PPIP5K2: variants seen among roughly 807,000 people sequenced by gnomAD.
PPIP5K2 encodes the protein inositol hexakisphosphate and diphosphoinositol-pentakisphosphate kinase 2.
A neutral mutation model predicts 154.6 loss-of-function variants in PPIP5K2; 105 were observed. That is an observed-to-expected ratio of 0.68 (90% CI 0.58 to 0.80). PPIP5K2 has a LOEUF of 0.80. PPIP5K2 is among the 30% of genes least tolerant of loss of function. The pLI is 0.00. For synonymous variants in PPIP5K2, 480 were observed against 490.3 expected, an observed-to-expected ratio of 0.98 and a Z score of 0.28; for missense variants, 992 against 1,504.6, an observed-to-expected ratio of 0.66 and a Z score of 5.64.
intron 5 of PPIP5K2, among the ~76,000 whole-genome samples, chr5:103,141,318 C>T (rs1006005307): frequency 2.6e-5 from 4 of 151,848 alleles, no homozygotes; most frequent in Non-Finnish European, 5.9e-5. Flanking sequence ...CTGGTGGGTT[C>T]GTGGTCTCGC....
intron 24 of PPIP5K2, 55 bp from the exon 25 acceptor site, chr5:103,183,176 CTTT>C (rs781952635): frequency 1.5e-5 from 8 of 539,200 alleles, no homozygotes; most frequent in African/African-American, 6.5e-5. Context: ...GCATGCTCTG[CTTT>C]TTTTTTTTTT....
chr5:103,123,685 C>T (rs572132278), intron 1 of PPIP5K2, among the ~76,000 whole-genome samples: 2 of 152,274 alleles, frequency 1.3e-5, no homozygotes, highest in East Asian at 3.9e-4. Context: ...CTGTGATAAG[C>T]CCAGTAACTT....
Position 103,192,864 on chromosome 5 carries a change from C to T in PPIP5K2, c.3493+1882C>T, listed in dbSNP as rs140723563. On this transcript the variant is annotated intron_variant, in intron 29 of 30. Coordinates refer to ENST00000358359, the MANE Select transcript of PPIP5K2 (RefSeq NM_001276277.3). ...TCTTAAAATTTCATGCAATTAGTTA[C>T]TAACAGAACTAGATGAGAAAGTAAA... Among the ~76,000 whole-genome samples the T allele has an allele frequency of 9.2e-5, 14 of 152,178 alleles. No homozygotes were observed. The East Asian group carries it at 1.9e-3, about 21-fold the overall frequency.
chr5:103,172,500 C>G (rs1328647135), intron 19 of PPIP5K2, among the ~76,000 whole-genome samples: 1 of 151,258 alleles, frequency 6.6e-6, no homozygotes, highest in African/African-American at 2.4e-5. Flanking sequence ...CCACTCTACC[C>G]CCACTTTTCT....
At chr5:103,183,928 A>G (rs1175866832) in intron 25 of PPIP5K2, among the ~76,000 whole-genome samples, 3 of 152,156 alleles carry the variant, frequency 2.0e-5, no homozygotes, top group African/African-American at 7.2e-5. Context: ...TCATTATTCC[A>G]TTATTTGGAA....
At chr5:103,157,517 G>A (rs1554213885) in intron 14 of PPIP5K2, among the ~76,000 whole-genome samples, 5 of 151,840 alleles carry the variant, frequency 3.3e-5, no homozygotes, top group Admixed American at 2.0e-4. Context: ...AGTGGCTCAC[G>A]CCTTAATCCC....
intron 17 of PPIP5K2, among the ~76,000 whole-genome samples, chr5:103,165,297 C>A (rs918656129): frequency 2.0e-5 from 3 of 151,978 alleles, no homozygotes; most frequent in Non-Finnish European, 4.4e-5. Flanking sequence ...AAGTGCCAGT[C>A]CCCCTCACAG....
chr5:103,167,384 T>C lies in PPIP5K2; in HGVS notation c.2062+64T>C, dbSNP rs868965833. 2.3e-6 allele frequency: 3 copies of C among 1,278,768 alleles called. No homozygotes were observed. In the Middle Eastern group the frequency reaches 6.4e-4, roughly 273 times the overall value. 79.2% of individuals were successfully genotyped at this position (1,278,768 alleles called of 1,614,324 possible). Reference sequence around the variant, plus strand: ...TTACTATTCAATTAAGCATTTAATATATGATGCACCAATCTTGTTGTAAGA... The same window carrying C: ...TTACTATTCAATTAAGCATTTAATACATGATGCACCAATCTTGTTGTAAGA... On this transcript the variant is annotated intron_variant, in intron 18 of 30. Coordinates refer to ENST00000358359, the MANE Select transcript of PPIP5K2 (RefSeq NM_001276277.3).
In PPIP5K2 at chr5:103,204,537, T is replaced by A. The variant is rs1483827333; in HGVS notation, c.*2903T>A. On this transcript the variant is annotated 3_prime_UTR_variant, in exon 31 of 31. Coordinates refer to ENST00000358359, the MANE Select transcript of PPIP5K2 (RefSeq NM_001276277.3). ...TTAATTCACTACAGCCTTGAACTCC[T>A]GGGCTCAAGAAATCTTTCTGCTTCA... 1 of 152,174 alleles carries A rather than the reference T, an allele frequency of 6.6e-6. No homozygotes were observed. Among genetic ancestry groups the A allele is most frequent in the Non-Finnish European group, 1.5e-5 (1 of 68,042 alleles). 9.4% of individuals were successfully genotyped at this position (152,174 alleles called of 1,614,324 possible). A position where few individuals can be genotyped will look rare whatever the true frequency, so the allele number is the denominator to read the frequency against.
At chr5:103,147,245 A>G (rs1448050270) in intron 6 of PPIP5K2, among the ~76,000 whole-genome samples, 2 of 151,976 alleles carry the variant, frequency 1.3e-5, no homozygotes, top group African/African-American at 4.8e-5. Context: ...GCATATACAT[A>G]TAGAAATTGA....
intron 17 of PPIP5K2, among the ~76,000 whole-genome samples, chr5:103,160,573 T>TA: frequency 6.6e-6 from 1 of 152,298 alleles, no homozygotes; most frequent in Middle Eastern, 3.4e-3. Context: ...ATATTTTATT[T>TA]AAAAAAATTA....
chr5:103,138,517 T>C, intron 5 of PPIP5K2, 48 bp downstream of exon 5: 1 of 1,211,058 alleles, frequency 8.3e-7, no homozygotes, highest in Non-Finnish European at 1.2e-6. Flanking sequence ...CTTGACATAC[T>C]TTTGGGCCAC....
chr5:103,207,923 C>T lies in PPIP5K2; in HGVS notation c.*6289C>T, dbSNP rs1803603475. On this transcript the variant is annotated 3_prime_UTR_variant, in exon 31 of 31. Transcript: ENST00000358359. The stretch of plus-strand genomic sequence containing the variant: ...TTCTCCTTTTCTTGAAGTGTTTGTG[C>T]ATGAACACTGTGCAGGTTTATTTTC... 1 of 152,018 alleles carries T rather than the reference C, an allele frequency of 6.6e-6. No individual in the cohort carries two copies. The highest frequency in any genetic ancestry group is 1.5e-5 in the Non-Finnish European group (1 of 68,018). The allele number at this position is 152,018 out of a possible 1,614,324, so 9.4% of individuals were successfully genotyped here. A position where few individuals can be genotyped will look rare whatever the true frequency, so the allele number is the denominator to read the frequency against.
intron 17 of PPIP5K2, among the ~76,000 whole-genome samples, chr5:103,162,711 G>T (rs1554216375): frequency 2.6e-5 from 4 of 152,062 alleles, no homozygotes; most frequent in Non-Finnish European, 5.9e-5. Context: ...TGATTTCCAA[G>T]TTCATTTTTT....
rs782444013 is a variant in PPIP5K2, at chr5:103,146,509, A to G, written c.488-18A>G. The G allele has an allele frequency of 2.5e-6, 4 of 1,603,070 alleles. No homozygotes were observed. The highest frequency in any genetic ancestry group is 2.7e-5 in the African/African-American group (2 of 74,448). ...ATAAGAATATGTGATATTTCTTGCA[A>G]TCGTGTTTGTTTTATAGAATGTAAT... On this transcript the variant is annotated intron_variant, in intron 5 of 30. Coordinates refer to ENST00000358359, the MANE Select transcript of PPIP5K2 (RefSeq NM_001276277.3).
At chr5:103,133,401 C>G in intron 2 of PPIP5K2, 52 bp from the exon 3 acceptor site, 1 of 1,502,610 alleles carries the variant, frequency 6.7e-7, no homozygotes, top group Non-Finnish European at 9.1e-7. Context: ...GATAGCTGTA[C>G]TTTGGAGTTC....
Position 103,120,499 on chromosome 5 carries a change from A to G in PPIP5K2, c.-285+11A>G, listed in dbSNP as rs569256879. ...CCGCATTCGTGGCAGGTGAGGGCCC[A>G]AAACCGGAGGAGAACCGGAGATGCG... On this transcript the variant is annotated intron_variant, in intron 1 of 30. Transcript: ENST00000358359. 6 of 456,664 alleles carry G rather than the reference A, an allele frequency of 1.3e-5. No individual in the cohort carries two copies. Among genetic ancestry groups the G allele is most frequent in the African/African-American group, 1.2e-4 (6 of 50,170 alleles). 28.3% of individuals were successfully genotyped at this position (456,664 alleles called of 1,614,324 possible). A position where few individuals can be genotyped will look rare whatever the true frequency, so the allele number is the denominator to read the frequency against.
At chr5:103,164,239 C>CT (rs531746400) in intron 17 of PPIP5K2, among the ~76,000 whole-genome samples, 1 of 151,706 alleles carries the variant, frequency 6.6e-6, no homozygotes, top group Non-Finnish European at 1.5e-5. Flanking sequence ...TAACATTATA[C>CT]TTTTTTCCTT....
At chr5:103,192,387 A>T (rs1020340738) in intron 29 of PPIP5K2, among the ~76,000 whole-genome samples, 1 of 152,110 alleles carries the variant, frequency 6.6e-6, no homozygotes, top group Non-Finnish European at 1.5e-5. Context: ...CTGTTACCTC[A>T]GAATGCAGTA....
Sources: allele counts gnomAD v4.1 joint callset (sites outside exome capture counted in the v4.1 genomes callset), GRCh38; gene constraint gnomAD v4.1.1; transcripts MANE v1.5; gene names NCBI Gene and HGNC (gene_info 2026-07-23, HGNC 2026-07-21).